The following DLG2 variants were observed in gnomAD, a reference collection of about 807,000 sequenced individuals.
The protein encoded by DLG2 is discs large MAGUK scaffold protein 2, also known as disks large homolog 2.
DLG2 carries 45 observed loss-of-function variants against 132.5 expected under a neutral mutation model. That is an observed-to-expected ratio of 0.34 (90% CI 0.27 to 0.44). DLG2 has a LOEUF of 0.44. Ranked by LOEUF, DLG2 falls within the 20% of genes least tolerant of loss-of-function variation. DLG2 has a pLI of 1.00. For missense variants in DLG2, 1,045 were observed against 1,196.9 expected (o/e 0.87, Z 1.87); for synonymous variants, 424 against 419.6 (o/e 1.01, Z -0.13).
At chr11:83,722,859 G>A (rs1230454823) in intron 18 of DLG2, among the ~76,000 whole-genome samples, 2 of 152,182 alleles carry the variant, frequency 1.3e-5, no homozygotes, top group African/African-American at 2.4e-5. Flanking sequence ...AGTTATAGGA[G>A]CATATGAAAT....
intron 6 of DLG2, among the ~76,000 whole-genome samples, chr11:84,768,867 C>G (rs1006689695): frequency 1.3e-5 from 2 of 152,030 alleles, no homozygotes; most frequent in Non-Finnish European, 2.9e-5. Context: ...TCTAGGCCAG[C>G]TCCTCCCCTC....
At chr11:84,118,773 C>T (rs1215572629) in intron 9 of DLG2, among the ~76,000 whole-genome samples, 1 of 152,112 alleles carries the variant, frequency 6.6e-6, no homozygotes, top group East Asian at 1.9e-4. Flanking sequence ...GATTCTGCCA[C>T]CAAAAAGATA....
chr11:83,786,639 A>G (rs1052501589), intron 18 of DLG2, 51 bp downstream of exon 18: 1 of 1,472,908 alleles, frequency 6.8e-7, no homozygotes, highest in Non-Finnish European at 9.5e-7. Flanking sequence ...ATGAGGGTAC[A>G]GATCCACACA....
At chr11:84,424,080 C>G (rs568687980) in intron 7 of DLG2, among the ~76,000 whole-genome samples, 145 of 152,224 alleles carry the variant, frequency 9.5e-4, no homozygotes, top group African/African-American at 3.4e-3. Context: ...ACAGATGATG[C>G]TCTCTTGGGT....
chr11:84,211,599 A>T lies in DLG2; in HGVS notation c.573+39639T>A, dbSNP rs113910920. On this transcript the variant is annotated intron_variant, in intron 8 of 27. Coordinates refer to ENST00000376104, the MANE Select transcript of DLG2 (RefSeq NM_001142699.3). Reference sequence around the variant, plus strand: ...GAAAGCTTATGGGTAAATATAATAAATGCATGCCCACTTCCCAAATTTTCC... The same window carrying T: ...GAAAGCTTATGGGTAAATATAATAATTGCATGCCCACTTCCCAAATTTTCC... Among the ~76,000 whole-genome samples, 354 of 152,280 alleles carry T rather than the reference A, an allele frequency of 2.3e-3. 1 individual carries two copies. The highest frequency in any genetic ancestry group is 8.0e-3 in the African/African-American group (331 of 41,564).
chr11:84,653,539 C>T (rs1934723150), intron 6 of DLG2, among the ~76,000 whole-genome samples: 1 of 152,116 alleles, frequency 6.6e-6, no homozygotes, highest in South Asian at 2.1e-4. Flanking sequence ...TTTAAACATC[C>T]TCACTTCTTC....
At chr11:83,483,506 A>AACTC (rs2093292153) in intron 22 of DLG2, among the ~76,000 whole-genome samples, 1 of 152,286 alleles carries the variant, frequency 6.6e-6, no homozygotes, top group African/African-American at 2.4e-5. Context: ...TTTGCAGAGC[A>AACTC]ACTCAAGGTT....
intron 7 of DLG2, among the ~76,000 whole-genome samples, chr11:84,532,734 G>A (rs534876397): frequency 2.0e-5 from 3 of 152,130 alleles, no homozygotes; most frequent in Non-Finnish European, 2.9e-5. Flanking sequence ...TGGGATCAGC[G>A]GTCCTCCCAC....
At chr11:85,287,854 G>C (rs138618685) in intron 3 of DLG2, among the ~76,000 whole-genome samples, 5 of 152,020 alleles carry the variant, frequency 3.3e-5, no homozygotes, top group African/African-American at 9.7e-5. Flanking sequence ...GAAAAATAAC[G>C]TTGGGTGAAT....
chr11:83,824,424 G>A (rs1425906543), intron 17 of DLG2, among the ~76,000 whole-genome samples: 1 of 152,038 alleles, frequency 6.6e-6, no homozygotes, highest in Non-Finnish European at 1.5e-5. Context: ...TGCATCCTTA[G>A]TGTCTAGTAG....
intron 9 of DLG2, among the ~76,000 whole-genome samples, chr11:84,124,941 C>G (rs958476848): frequency 6.8e-6 from 1 of 147,426 alleles, no homozygotes; most frequent in African/African-American, 2.5e-5. Flanking sequence ...ACATTTGCCT[C>G]CAGGGTTCAA....
chr11:83,833,739 A>G lies in DLG2; in HGVS notation c.1597T>C (p.Ser533Pro), dbSNP rs753039977. Residue 533 changes from serine (S) to proline (P), a missense_variant, in exon 17 of 28, where the codon TCC (serine) becomes CCC (proline). Physicochemically the swap from Ser to Pro is moderately conservative, Grantham distance 74 (BLOSUM62 -1). Coordinates refer to ENST00000376104, the MANE Select transcript of DLG2 (RefSeq NM_001142699.3). Reference protein sequence around the residue: ...EPRKVVLHKGSTGLGFNIVGG... With the variant: ...EPRKVVLHKGPTGLGFNIVGG... ...ACAATGTTGAAGCCCAGGCCAGTGGAGCCTTTGTGCAGGACTACCTTGCGA... is the reference window on the plus strand; with the variant it reads ...ACAATGTTGAAGCCCAGGCCAGTGGGGCCTTTGTGCAGGACTACCTTGCGA... The G allele has an allele frequency of 7.4e-6, 12 of 1,614,022 alleles. No homozygotes were observed. The highest frequency in any genetic ancestry group is 1.0e-5 in the Non-Finnish European group (12 of 1,179,956).
chr11:84,547,253 A>C (rs1001952222), intron 6 of DLG2, among the ~76,000 whole-genome samples: 6 of 152,150 alleles, frequency 3.9e-5, no homozygotes, highest in African/African-American at 1.4e-4. Flanking sequence ...AGAATAGAAA[A>C]AACTAAAGGA....
At chr11:85,226,028 T>A (rs929317411) in intron 4 of DLG2, among the ~76,000 whole-genome samples, 11 of 152,174 alleles carry the variant, frequency 7.2e-5, no homozygotes, top group African/African-American at 2.6e-4. Flanking sequence ...TCCTTCCTTA[T>A]CTCCTTCCTT....
intron 6 of DLG2, among the ~76,000 whole-genome samples, chr11:84,829,753 G>A (rs1197056470): frequency 6.6e-6 from 1 of 151,608 alleles, no homozygotes; most frequent in Non-Finnish European, 1.5e-5. Context: ...CCTTCAATAA[G>A]TGCTAGTTAA....
At chr11:83,531,769 A>G (rs2095751491) in intron 21 of DLG2, among the ~76,000 whole-genome samples, 1 of 150,552 alleles carries the variant, frequency 6.6e-6, no homozygotes, top group Non-Finnish European at 1.5e-5. Flanking sequence ...TGATAAATGA[A>G]CAGATTAAAT....
At chr11:85,195,755 T>C (rs949284296) in intron 4 of DLG2, among the ~76,000 whole-genome samples, 142 of 152,190 alleles carry the variant, frequency 9.3e-4, no homozygotes, top group African/African-American at 3.2e-3. Context: ...CTCGATCTTC[T>C]GACCTCGTGA....
intron 6 of DLG2, among the ~76,000 whole-genome samples, chr11:84,981,761 C>G (rs1241936611): frequency 6.6e-6 from 1 of 152,112 alleles, no homozygotes; most frequent in East Asian, 1.9e-4. Flanking sequence ...CCTCTCTCCT[C>G]CCTTTCACAG....
intron 7 of DLG2, among the ~76,000 whole-genome samples, chr11:84,424,238 A>G (rs1567598630): frequency 6.6e-6 from 1 of 152,160 alleles, no homozygotes; most frequent in East Asian, 1.9e-4. Context: ...GTGAAACTCA[A>G]GGTTGCTATA....
Sources: allele counts gnomAD v4.1 joint callset (sites outside exome capture counted in the v4.1 genomes callset), GRCh38; gene constraint gnomAD v4.1.1; transcripts MANE v1.5; gene names NCBI Gene and HGNC (gene_info 2026-07-23, HGNC 2026-07-21).